Variants in AUNIP observed in about 807,000 individuals in gnomAD.
AUNIP encodes aurora kinase A- and ninein-interacting protein.
In AUNIP, 16 loss-of-function variants were observed where a neutral mutation model predicts 12.2. The observed-to-expected ratio is 1.31, with a 90% CI of 0.88 to 1.99. The LOEUF (loss-of-function observed/expected upper bound fraction) is 1.99. Ranked by LOEUF, AUNIP falls within the 30% of genes most tolerant of loss-of-function variation. The pLI, the probability that AUNIP is intolerant of heterozygous loss-of-function variation, is 0.00. For missense variants in AUNIP, 411 were observed against 419.1 expected, an observed-to-expected ratio of 0.98 and a Z score of 0.17; for synonymous variants, 142 against 154.8, an observed-to-expected ratio of 0.92 and a Z score of 0.61.
chr1:25,853,339 G>A (rs1038441144), intron 1 of AUNIP, among the ~76,000 whole-genome samples: 3 of 152,194 alleles, frequency 2.0e-5, no homozygotes, highest in Non-Finnish European at 4.4e-5. Flanking sequence ...GCTCATGCCT[G>A]TAATCCCAGC....
At chr1:25,857,200 G>A (rs2048468448) in intron 1 of AUNIP, among the ~76,000 whole-genome samples, 1 of 151,554 alleles carries the variant, frequency 6.6e-6, no homozygotes, top group Non-Finnish European at 1.5e-5. Flanking sequence ...GGGTACAAAT[G>A]GCTTATTCCT....
At chr1:25,841,423 C>T (rs939127772) in intron 1 of AUNIP, among the ~76,000 whole-genome samples, 8 of 152,102 alleles carry the variant, frequency 5.3e-5, no homozygotes, top group Non-Finnish European at 8.8e-5. Flanking sequence ...TGAGCAAGTC[C>T]GTCAGTGCCA....
intron 1 of AUNIP, among the ~76,000 whole-genome samples, chr1:25,844,268 G>A (rs1460985100): frequency 7.9e-5 from 12 of 152,026 alleles, no homozygotes; most frequent in South Asian, 2.1e-4. Flanking sequence ...CACCATGCCC[G>A]GCTAATTTTT....
chr1:25,850,808 T>C (rs1431805240), intron 1 of AUNIP, among the ~76,000 whole-genome samples: 1 of 152,202 alleles, frequency 6.6e-6, no homozygotes, highest in Non-Finnish European at 1.5e-5. Context: ...CCTTAGGATT[T>C]TCTACACATA....
intron 2 of AUNIP, among the ~76,000 whole-genome samples, chr1:25,836,809 T>C (rs1283328066): frequency 2.6e-5 from 4 of 152,084 alleles, no homozygotes; most frequent in Non-Finnish European, 4.4e-5. Context: ...TTTGAAGGTT[T>C]AGGCAAAGCA....
At chr1:25,858,303 T>C (rs1404725320) in intron 1 of AUNIP, among the ~76,000 whole-genome samples, 1 of 152,226 alleles carries the variant, frequency 6.6e-6, no homozygotes, top group African/African-American at 2.4e-5. Context: ...CTCGGCAAAA[T>C]GCCTGACACA....
chr1:25,840,147 GTTAAC>G (rs1441274807), intron 1 of AUNIP, among the ~76,000 whole-genome samples: 1 of 152,192 alleles, frequency 6.6e-6, no homozygotes, highest in African/African-American at 2.4e-5. Context: ...CAAGTTAACA[GTTAAC>G]TTAAAATAGT....
In AUNIP at chr1:25,859,363, C is replaced by G; in HGVS notation, c.-6G>C. On this transcript the variant is annotated 5_prime_UTR_variant, in exon 1 of 3. Coordinates refer to ENST00000374298, the MANE Select transcript of AUNIP (RefSeq NM_024037.3). ...TCGGGGCCTGTCCGCCTCATGGCCGCTGAGGAGACGAAGCCGGCAGGACGC... is the reference window on the plus strand; with the variant it reads ...TCGGGGCCTGTCCGCCTCATGGCCGGTGAGGAGACGAAGCCGGCAGGACGC... The G allele has an allele frequency of 2.0e-6, 3 of 1,521,710 alleles. No homozygotes were observed. 94.3% of individuals were successfully genotyped at this position (1,521,710 alleles called of 1,614,324 possible).
intron 1 of AUNIP, among the ~76,000 whole-genome samples, chr1:25,838,852 A>C (rs1437540615): frequency 1.3e-5 from 2 of 152,234 alleles, no homozygotes; most frequent in Non-Finnish European, 2.9e-5. Flanking sequence ...TCTGCCAAAA[A>C]ACAAGTAAGA....
In AUNIP at chr1:25,847,288, G is replaced by A. The variant is rs2048390257; in HGVS notation, c.79-9734C>T. Among the ~76,000 whole-genome samples the A allele has an allele frequency of 1.3e-5, 2 of 151,898 alleles. No homozygotes were observed. The highest frequency in any genetic ancestry group is 6.6e-5 in the Admixed American group (1 of 15,252). ...TTGTTTTGTTTTTTTTTGAGACGGA[G>A]TCTCACTCTGTCACCGAGGCTGGAC... On this transcript the variant is annotated intron_variant, in intron 1 of 2. Transcript: ENST00000374298. This position sits in a 1 kb window ranked among gnomAD's most constrained non-coding sequence, Gnocchi z 4.2.
chr1:25,858,034 G>A (rs2048476849), intron 1 of AUNIP, among the ~76,000 whole-genome samples: 1 of 152,116 alleles, frequency 6.6e-6, no homozygotes, highest in Non-Finnish European at 1.5e-5. Context: ...GGGCGTGGTG[G>A]TGGCCGCCTG....
downstream of AUNIP, chr1:25,832,062 T>C: frequency 6.2e-7 from 1 of 1,613,966 alleles, no homozygotes; most frequent in Non-Finnish European, 8.5e-7. Context: ...CTCATGCTCC[T>C]GGAATACCTT....
Position 25,836,005 on chromosome 1 carries a change from A to G in AUNIP, c.221-159T>C, listed in dbSNP as rs146222170. 1.5e-3 allele frequency among the ~76,000 whole-genome samples: 232 copies of G among 152,304 alleles called. 1 individual carries two copies. The highest frequency in any genetic ancestry group is 2.8e-3 in the Non-Finnish European group (191 of 68,024). On this transcript the variant is annotated intron_variant, in intron 2 of 2. Coordinates refer to ENST00000374298, the MANE Select transcript of AUNIP (RefSeq NM_024037.3). ...TTTGTAGCCAATCTTCCTGTTTTCA[A>G]TCTTGCCAGTCTATCATGAATAAAC...
chr1:25,836,392 A>T (rs1007226793), intron 2 of AUNIP, among the ~76,000 whole-genome samples: 4 of 152,184 alleles, frequency 2.6e-5, no homozygotes, highest in Non-Finnish European at 4.4e-5. Flanking sequence ...ATTTCATTGG[A>T]AAGGGAGTGA....
At chr1:25,848,624 C>A (rs911127373) in intron 1 of AUNIP, among the ~76,000 whole-genome samples, 7 of 152,064 alleles carry the variant, frequency 4.6e-5, no homozygotes, top group Non-Finnish European at 1.0e-4. Flanking sequence ...TTGGGCCACA[C>A]CAAATAATCT....
At chr1:25,857,669 C>T (rs1345303565) in intron 1 of AUNIP, among the ~76,000 whole-genome samples, 2 of 151,674 alleles carry the variant, frequency 1.3e-5, no homozygotes, top group Admixed American at 6.6e-5. Context: ...TCAAGACCAG[C>T]CTGGCCAACA....
chr1:25,833,712 C>T (rs958152157), downstream of AUNIP, among the ~76,000 whole-genome samples: 8 of 151,802 alleles, frequency 5.3e-5, no homozygotes, highest in Non-Finnish European at 1.0e-4. Context: ...CGTGTTCATG[C>T]CACCACACTC....
intron 1 of AUNIP, among the ~76,000 whole-genome samples, chr1:25,848,483 CAAAAAAAAAA>C (rs761716480): frequency 6.4e-5 from 4 of 62,474 alleles, no homozygotes; most frequent in Non-Finnish European, 9.4e-5. Context: ...AACTCCGTCT[CAAAAAAAAAA>C]AAAAAAAAAA....
chr1:25,846,821 GACT>G (rs1250052080), intron 1 of AUNIP, among the ~76,000 whole-genome samples: 2 of 152,144 alleles, frequency 1.3e-5, no homozygotes, highest in Non-Finnish European at 2.9e-5. Context: ...CTCTAATAAG[GACT>G]ACTTATTGAA....
Sources: allele counts gnomAD v4.1 joint callset (sites outside exome capture counted in the v4.1 genomes callset), GRCh38; gene constraint gnomAD v4.1.1; non-coding constraint Gnocchi (gnomAD v3.1); transcripts MANE v1.5; gene names NCBI Gene and HGNC (gene_info 2026-07-23, HGNC 2026-07-21).